The following MUC12 variants were observed in gnomAD, a reference collection of about 807,000 sequenced individuals.
MUC12 encodes the protein mucin-12.
In MUC12, 172 loss-of-function variants were observed where a neutral mutation model predicts 230.8. The ratio of observed to expected loss-of-function variants is 0.75; its 90% CI spans 0.66 to 0.85. The LOEUF is 0.85. Ranked by LOEUF, MUC12 falls within the 40% of genes least tolerant of loss-of-function variation. MUC12 has a pLI of 0.00. For missense variants in MUC12, 3,506 were observed against 5,920.6 expected, an observed-to-expected ratio of 0.59 and a Z score of 13.38; for synonymous variants, 1,259 against 2,401.9, an observed-to-expected ratio of 0.52 and a Z score of 13.91.
At chr7:101,015,918 T>G (rs1021877880) in intron 10 of MUC12, among the ~76,000 whole-genome samples, 9 of 151,980 alleles carry the variant, frequency 5.9e-5, no homozygotes, top group African/African-American at 2.2e-4. Flanking sequence ...AGAGACCAAC[T>G]CAGTGAGGGC....
At chr7:101,017,732 C>A in intron 11 of MUC12, 69 bp downstream of exon 11, 1 of 1,133,408 alleles carries the variant, frequency 8.8e-7, no homozygotes, top group Non-Finnish European at 1.2e-6. Flanking sequence ...CCTCTTCCCC[C>A]GGGACTCCCT....
intron 1 of MUC12, among the ~76,000 whole-genome samples, chr7:100,982,672 T>TC (rs1374591112): frequency 2.0e-5 from 3 of 151,668 alleles, no homozygotes; most frequent in African/African-American, 2.4e-5. Flanking sequence ...CAAGTAGTCC[T>TC]CCCCCCTTGG....
Position 100,990,914 on chromosome 7 carries a change from C to T in MUC12, c.351C>T (p.Ala117=), listed in dbSNP as rs1452345636. 2 of 1,537,874 alleles carry T rather than the reference C, an allele frequency of 1.3e-6. No homozygotes were observed. The highest frequency in any genetic ancestry group is 1.7e-6 in the Non-Finnish European group (2 of 1,147,068). Residue 117 remains alanine, a synonymous_variant, in exon 2 of 12, where the codon GCC becomes GCT. Coordinates refer to ENST00000536621, the MANE Select transcript of MUC12 (RefSeq NM_001164462.2). ...CTAAAACCTCACCCATCACTTCAGC[C>T]TCAATGGAAACAACAGCGTTACCTG... The part of the protein sequence containing the change: ...GEPKTSPITS[A]SMETTALPGS...
chr7:101,004,659 C>G lies in MUC12; in HGVS notation c.14096C>G (p.Pro4699Arg), dbSNP rs1026715740. The part of the protein sequence containing the change: ...SPDTNGITPL[P>R]AHFTTSGRIA... ...GATACAAATGGAATCACACCCTTACCTGCCCATTTTACTACCTCAGGCCGC... is the reference window on the plus strand; with the variant it reads ...GATACAAATGGAATCACACCCTTACGTGCCCATTTTACTACCTCAGGCCGC... Residue 4699 changes from proline to arginine, a missense_variant, in exon 2 of 12, where the codon CCT becomes CGT. Pro to Arg is a moderately radical substitution (Grantham distance 103). Coordinates refer to ENST00000536621, the MANE Select transcript of MUC12 (RefSeq NM_001164462.2). 1 of 1,537,442 alleles carries G rather than the reference C, an allele frequency of 6.5e-7. No homozygotes were observed. The highest frequency in any genetic ancestry group is 1.2e-5 in the South Asian group (1 of 84,040).
intron 10 of MUC12, 64 bp from the exon 11 acceptor site, chr7:101,017,511 C>T: frequency 9.8e-7 from 1 of 1,023,796 alleles, no homozygotes; most frequent in Non-Finnish European, 1.4e-6. Flanking sequence ...AGAGGAAATC[C>T]CCTCTGCCCC....
rs889283731 is a variant in MUC12 at position 100,990,490 on chromosome 7, C to T, written c.68-141C>T. 74 of 994,764 alleles carry T rather than the reference C, an allele frequency of 7.4e-5. No homozygotes were observed. The African/African-American group carries it at 1.1e-3, about 14-fold the overall frequency. 61.6% of individuals were successfully genotyped at this position (994,764 alleles called of 1,614,324 possible). A position where few individuals can be genotyped will look rare whatever the true frequency, so the allele number is the denominator to read the frequency against. On this transcript the variant is annotated intron_variant, in intron 1 of 11. Transcript: ENST00000536621. ...ACAGGTTCAACTGACACTTCCTATG[C>T]CCCCAAAAGGGAAACTTGAGTTTCA...
chr7:101,012,424 T>C lies in MUC12; in HGVS notation c.15380T>C (p.Leu5127Pro). The change falls in exon 6 of 12, where the codon CTT (leucine) becomes CCT (proline). Residue 5127 changes from leucine to proline, a missense_variant. By Grantham distance (98) the Leu-to-Pro change is moderately conservative. Coordinates refer to ENST00000536621, the MANE Select transcript of MUC12 (RefSeq NM_001164462.2). The part of the protein sequence containing the change: ...AKIMNETRTT[L>P]LDPDSCRKAI... ...ATTATGAATGAAACTAGAACAACTC[T>C]TCTTGATCCTGATTCCTGCAGAAGT... 6.5e-7 allele frequency: 1 copy of C among 1,537,860 alleles called. No homozygotes were observed. Among genetic ancestry groups the C allele is most frequent in the East Asian group, 2.4e-5 (1 of 40,924 alleles).
chr7:100,990,487 A>G (rs1793262673), intron 1 of MUC12, 144 bp from the exon 2 acceptor site: 12 of 966,804 alleles, frequency 1.2e-5, no homozygotes, highest in East Asian at 2.6e-5. Flanking sequence ...GACACTTCCT[A>G]TGCCCCCAAA....
At position 101,010,500 on chromosome 7, in the gene MUC12, C is replaced by T. The variant is rs962633369; in HGVS notation, c.15251+1341C>T. ...TACAGGCCTGCGCCATCGTGCTTGG[C>T]TAATTTTTGTAATTTTTTTGTTTTG... On this transcript the variant is annotated intron_variant, in intron 5 of 11. Coordinates refer to ENST00000536621, the MANE Select transcript of MUC12 (RefSeq NM_001164462.2). 7.9e-5 allele frequency among the ~76,000 whole-genome samples: 12 copies of T among 152,012 alleles called. No homozygotes were observed. The South Asian group carries it at 1.9e-3, about 24-fold the overall frequency.
At chr7:101,008,534 T>G in intron 3 of MUC12, 100 bp from the exon 4 acceptor site, 3 of 1,424,778 alleles carry the variant, frequency 2.1e-6, no homozygotes, top group Non-Finnish European at 2.8e-6. Flanking sequence ...CTCTTAAGTT[T>G]CTTTCACCTT....
chr7:100,990,854 T>A lies in MUC12; in HGVS notation c.291T>A (p.Pro97=), dbSNP rs1268031342. ...GPGATGTTLF[P]SHSATSVFVG... ...GTGCAACTGGAACAACACTCTTCCC[T>A]TCCCACTCTGCAACCTCAGTTTTTG... Residue 97 remains proline (P), a synonymous_variant, in exon 2 of 12, where the codon CCT becomes CCA. Coordinates refer to ENST00000536621, the MANE Select transcript of MUC12 (RefSeq NM_001164462.2). The A allele has an allele frequency of 1.3e-6, 2 of 1,537,668 alleles. No homozygotes were observed. The highest frequency in any genetic ancestry group is 1.7e-6 in the Non-Finnish European group (2 of 1,147,042).
chr7:101,016,640 A>G (rs1483552538), intron 10 of MUC12, among the ~76,000 whole-genome samples: 5 of 144,516 alleles, frequency 3.5e-5, no homozygotes, highest in Non-Finnish European at 7.5e-5. Flanking sequence ...TTTACTCAAA[A>G]GGCCATTCAG....
chr7:101,009,631 G>A (rs577075549), intron 5 of MUC12, among the ~76,000 whole-genome samples: 38 of 152,172 alleles, frequency 2.5e-4, no homozygotes, highest in African/African-American at 7.7e-4. Context: ...CCAGGAATTC[G>A]AGACTAGCCT....
chr7:101,018,568 C>T (rs1793995696), intron 11 of MUC12, 27 bp from the exon 12 acceptor site: 1 of 1,535,734 alleles, frequency 6.5e-7, no homozygotes, highest in Non-Finnish European at 8.7e-7. Flanking sequence ...TGCCCCTTGG[C>T]CTCACCTCTT....
rs868782245 is a variant in MUC12 at position 101,005,102 on chromosome 7, A to C, written c.14539A>C (p.Ser4847Arg). Residue 4847 changes from serine (S) to arginine (R), a missense_variant, in exon 2 of 12, where the codon AGT becomes CGT. Coordinates refer to ENST00000536621, the MANE Select transcript of MUC12 (RefSeq NM_001164462.2). ...TGCCAGCACCACAGTGCCAGGCCTT[A>C]GTGAGGAATCTACCACCTTCTACAG... Reference protein sequence around the residue: ...SPASTTVPGLSEESTTFYSSP... With the variant: ...SPASTTVPGLREESTTFYSSP... The C allele has an allele frequency of 6.5e-7, 1 of 1,537,894 alleles. No homozygotes were observed. The highest frequency in any genetic ancestry group is 1.2e-5 in the South Asian group (1 of 84,052).
At position 100,990,843 on chromosome 7, in the gene MUC12, A is replaced by G. The variant is rs562261678; in HGVS notation, c.280A>G (p.Thr94Ala). Reference sequence around the variant, plus strand: ...CAGCGGCCCAGGTGCAACTGGAACAACACTCTTCCCTTCCCACTCTGCAAC... The same window carrying G: ...CAGCGGCCCAGGTGCAACTGGAACAGCACTCTTCCCTTCCCACTCTGCAAC... ...SHSGPGATGT[T>A]LFPSHSATSV... Residue 94 changes from threonine to alanine, a missense_variant, in exon 2 of 12, where the codon ACA becomes GCA. Coordinates refer to ENST00000536621, the MANE Select transcript of MUC12 (RefSeq NM_001164462.2). The G allele has an allele frequency of 2.1e-5, 32 of 1,537,796 alleles. No homozygotes were observed. The highest frequency in any genetic ancestry group is 1.6e-4 in the African/African-American group (12 of 73,146).
chr7:101,012,424 T>G lies in MUC12; in HGVS notation c.15380T>G (p.Leu5127Arg). 1 of 1,537,860 alleles carries G rather than the reference T, an allele frequency of 6.5e-7. No individual in the cohort carries two copies. Among genetic ancestry groups the G allele is most frequent in the Middle Eastern group, 1.7e-4 (1 of 5,996 alleles). The change falls in exon 6 of 12, where the codon CTT becomes CGT. Residue 5127 changes from leucine to arginine, a missense_variant. By Grantham distance (102) the Leu-to-Arg change is moderately radical (BLOSUM62 -2). Transcript: ENST00000536621. Reference protein sequence around the residue: ...AKIMNETRTTLLDPDSCRKAI... With the variant: ...AKIMNETRTTRLDPDSCRKAI... ...ATTATGAATGAAACTAGAACAACTC[T>G]TCTTGATCCTGATTCCTGCAGAAGT...
intron 1 of MUC12, among the ~76,000 whole-genome samples, chr7:100,987,847 T>C (rs1793217575): frequency 6.6e-6 from 1 of 152,002 alleles, no homozygotes; most frequent in Non-Finnish European, 1.5e-5. Context: ...GGTGCATGCC[T>C]GTAATCCCAG....
In MUC12 at chr7:101,005,436, C is replaced by T. The variant is rs1203275304; in HGVS notation, c.14873C>T (p.Thr4958Ile). 2.0e-6 allele frequency: 3 copies of T among 1,537,798 alleles called. No homozygotes were observed. Among genetic ancestry groups the T allele is most frequent in the Non-Finnish European group, 2.6e-6 (3 of 1,147,040 alleles). ...FPASSSTSGLTEESTTFHTSP... is the reference protein window; with the variant it reads ...FPASSSTSGLIEESTTFHTSP... ...GCGAGTTCCAGCACATCAGGCCTCA[C>T]TGAGGAATCTACCACCTTCCACACC... is the stretch of plus-strand genomic sequence containing the variant. Residue 4958 changes from threonine to isoleucine, a missense_variant, in exon 2 of 12, where the codon ACT becomes ATT. Coordinates refer to ENST00000536621, the MANE Select transcript of MUC12 (RefSeq NM_001164462.2).
Sources: gnomAD v4.1 joint callset for allele counts (sites outside exome capture counted in the v4.1 genomes callset) on GRCh38, gnomAD v4.1.1 for gene constraint, MANE v1.5 for transcripts, NCBI Gene and HGNC (gene_info 2026-07-23, HGNC 2026-07-21) for gene names.